MTF2: variants seen among roughly 807,000 people sequenced by gnomAD.
The protein encoded by MTF2 is metal response element binding transcription factor 2.
Under a neutral mutation model 79.5 loss-of-function variants are expected in MTF2, and 11 were observed. The observed-to-expected ratio is 0.14, with a 90% CI of 0.09 to 0.23. MTF2 has a LOEUF of 0.23. Among genes scored for constraint, MTF2 ranks in the 10% least tolerant of loss-of-function variants. MTF2 has a pLI of 1.00. For missense variants in MTF2, 486 were observed against 711.2 expected (o/e 0.68, Z 3.60); for synonymous variants, 208 against 232.8 (o/e 0.89, Z 0.97).
intron 6 of MTF2, among the ~76,000 whole-genome samples, chr1:93,116,843 C>G (rs1571240917): frequency 6.6e-6 from 1 of 152,156 alleles, no homozygotes; most frequent in East Asian, 1.9e-4. Context: ...AATATTGTGT[C>G]TCAGGGAATA....
At chr1:93,132,698 T>C (rs1301330148) in intron 11 of MTF2, among the ~76,000 whole-genome samples, 1 of 152,120 alleles carries the variant, frequency 6.6e-6, no homozygotes, top group African/African-American at 2.4e-5. Context: ...TTCCCTGACC[T>C]TTTTTGGCAT....
chr1:93,132,500 A>G (rs963532171), intron 11 of MTF2, among the ~76,000 whole-genome samples: 1 of 152,168 alleles, frequency 6.6e-6, no homozygotes, highest in Non-Finnish European at 1.5e-5. Context: ...CCTTGTGTAT[A>G]AGTTGTTCCT....
intron 14 of MTF2, 90 bp from the exon 15 acceptor site, chr1:93,136,580 A>G (rs1387683899): frequency 1.9e-6 from 2 of 1,030,296 alleles, no homozygotes; most frequent in East Asian, 2.4e-5. Context: ...TATATGGTAT[A>G]GTAGAGTAAT....
chr1:93,112,962 G>A (rs539648387), intron 3 of MTF2, among the ~76,000 whole-genome samples: 1 of 152,300 alleles, frequency 6.6e-6, no homozygotes, highest in South Asian at 2.1e-4. Flanking sequence ...CCCTCGCGGG[G>A]CTGTTGTTCC....
chr1:93,114,445 A>C (rs1454642883), intron 3 of MTF2, among the ~76,000 whole-genome samples: 1 of 152,232 alleles, frequency 6.6e-6, no homozygotes, highest in African/African-American at 2.4e-5. Context: ...GAAGATGCTC[A>C]AGAGCAATTT....
chr1:93,087,068 A>T (rs544806692), intron 1 of MTF2, among the ~76,000 whole-genome samples: 4 of 152,150 alleles, frequency 2.6e-5, no homozygotes, highest in Non-Finnish European at 5.9e-5. Flanking sequence ...CTGCGTTTTG[A>T]CTACAACCTG....
In MTF2 at chr1:93,137,020, C is replaced by T. The variant is rs1365696331; in HGVS notation, c.1775C>T (p.Ala592Val). ...QYLVEWEGAT[A>V]S is the part of the protein sequence containing the mutation. ...CTTGTGGAATGGGAAGGAGCAACTG[C>T]ATCCTGACTGTAGGACTGAACATTA... Residue 592 changes from alanine to valine, a missense_variant, in exon 15 of 15, where the codon GCA becomes GTA. Ala to Val is a moderately conservative substitution (Grantham distance 64). Transcript: ENST00000370298. The T allele has an allele frequency of 6.2e-7, 1 of 1,612,622 alleles. No homozygotes were observed. The highest frequency in any genetic ancestry group is 8.5e-7 in the Non-Finnish European group (1 of 1,179,176).
In MTF2 at chr1:93,123,816, CTTT is replaced by C. The variant is rs78978620; in HGVS notation, c.921+3157_921+3159del. Reference sequence around the variant, plus strand: ...ACTGTGACTGTTTTTATTTTAAAGACTTTTTTTTTTTTTTTAAGAGCAGATTTA... The same window carrying C: ...ACTGTGACTGTTTTTATTTTAAAGACTTTTTTTTTTTTAAGAGCAGATTTA... On this transcript the variant is annotated intron_variant, in intron 9 of 14. Transcript: ENST00000370298. 3.6e-5 allele frequency among the ~76,000 whole-genome samples: 4 copies of C among 110,548 alleles called. No individual in the cohort carries two copies. The East Asian group carries it at 1.2e-3, about 33-fold the overall frequency. The allele number at this position is 110,548 out of a possible 152,430, so 72.5% of individuals were successfully genotyped here.
At chr1:93,084,607 A>G (rs1401846554) in intron 1 of MTF2, among the ~76,000 whole-genome samples, 2 of 152,200 alleles carry the variant, frequency 1.3e-5, no homozygotes, top group Admixed American at 6.5e-5. Context: ...TATTATTAAC[A>G]TCTATGAACA....
Position 93,136,857 on chromosome 1 carries a change from T to C in MTF2, c.1612T>C (p.Leu538=), listed in dbSNP as rs149695145. ...ACTCAACACAGAGATTCTGAATAAC[T>C]TAGCAGATCAGGAGTTACAACTCAA... ...DELNTEILNN[L]ADQELQLNHL... Residue 538 remains leucine, a synonymous_variant, in exon 15 of 15, where the codon TTA becomes CTA. Transcript: ENST00000370298. 12 of 1,614,040 alleles carry C rather than the reference T, an allele frequency of 7.4e-6. No individual in the cohort carries two copies. The African/African-American group carries it at 1.5e-4, about 20-fold the overall frequency.
intron 1 of MTF2, among the ~76,000 whole-genome samples, chr1:93,102,752 G>A (rs1408533706): frequency 1.3e-5 from 2 of 152,100 alleles, no homozygotes; most frequent in Admixed American, 6.6e-5. Flanking sequence ...CCTTTTGGGA[G>A]AATAATTTGA....
chr1:93,085,541 C>T (rs1388910530), intron 1 of MTF2, among the ~76,000 whole-genome samples: 4 of 144,734 alleles, frequency 2.8e-5, no homozygotes, highest in African/African-American at 1.0e-4. Context: ...GGCTGGAGTG[C>T]AGTGGCGTGA....
chr1:93,120,344 G>T, intron 8 of MTF2: 2 of 332,332 alleles, frequency 6.0e-6, no homozygotes, highest in African/African-American at 2.2e-5. Context: ...ATATCTTCTA[G>T]TTTATAGTTG....
At chr1:93,136,576 G>C in intron 14 of MTF2, 94 bp from the exon 15 acceptor site, 1 of 991,996 alleles carries the variant, frequency 1.0e-6, no homozygotes, top group Non-Finnish European at 1.5e-6. Flanking sequence ...AGGATATATG[G>C]TATAGTAGAG....
At chr1:93,129,557 GAT>G in intron 11 of MTF2, 109 bp downstream of exon 11, 5 of 500,770 alleles carry the variant, frequency 1.0e-5, no homozygotes, top group East Asian at 9.7e-5. Flanking sequence ...CAGTTACTCT[GAT>G]TTTTTTTTTT....
chr1:93,129,539 A>G (rs1656832769), intron 11 of MTF2, 91 bp downstream of exon 11: 1 of 1,052,982 alleles, frequency 9.5e-7, no homozygotes, highest in South Asian at 3.2e-5. Context: ...ATTTGAAAGT[A>G]CAAGTGGCAG....
chr1:93,102,723 G>T (rs1655597087), intron 1 of MTF2, among the ~76,000 whole-genome samples: 1 of 152,156 alleles, frequency 6.6e-6, no homozygotes, highest in South Asian at 2.1e-4. Flanking sequence ...TGAAGGTGTG[G>T]TGAGAGTGTG....
At chr1:93,100,268 T>TA (rs1298661807) in intron 1 of MTF2, among the ~76,000 whole-genome samples, 1 of 152,132 alleles carries the variant, frequency 6.6e-6, no homozygotes, top group Admixed American at 6.5e-5. Flanking sequence ...GCTATTTTTA[T>TA]AAAAAAGCAT....
chr1:93,107,063 A>G (rs1438635701), intron 1 of MTF2, among the ~76,000 whole-genome samples: 1 of 152,198 alleles, frequency 6.6e-6, no homozygotes, highest in Non-Finnish European at 1.5e-5. Context: ...ACAGCTGACT[A>G]TGGCACAGAA....
Sources: gnomAD v4.1 joint callset for allele counts (sites outside exome capture counted in the v4.1 genomes callset) on GRCh38, gnomAD v4.1.1 for gene constraint, MANE v1.5 for transcripts, NCBI Gene and HGNC (gene_info 2026-07-23, HGNC 2026-07-21) for gene names.